GMDS: variants seen among roughly 807,000 people sequenced by gnomAD.
The protein encoded by GMDS is GDP-mannose 4,6-dehydratase.
Under a neutral mutation model 49.9 loss-of-function variants are expected in GMDS, and 20 were observed. That is an observed-to-expected ratio of 0.40 (90% CI 0.28 to 0.58). The LOEUF (loss-of-function observed/expected upper bound fraction) is 0.58. Among genes scored for constraint, GMDS ranks in the 20% least tolerant of loss-of-function variants. The probability of loss-of-function intolerance (pLI) is 0.42; values close to 1 mark genes in which losing one functional copy is unlikely to be tolerated. For synonymous variants in GMDS, 177 were observed against 178.6 expected (o/e 0.99, Z 0.07); for missense variants, 362 against 481.4 (o/e 0.75, Z 2.32).
intron 4 of GMDS, among the ~76,000 whole-genome samples, chr6:2,044,967 C>T (rs534792702): frequency 1.5e-4 from 22 of 151,516 alleles, no homozygotes; most frequent in African/African-American, 4.8e-4. Flanking sequence ...CAAAGCACTC[C>T]GAAAATTAAA....
At chr6:1,847,401 G>T (rs562012327) in intron 7 of GMDS, among the ~76,000 whole-genome samples, 1 of 152,140 alleles carries the variant, frequency 6.6e-6, no homozygotes, top group African/African-American at 2.4e-5. Context: ...AATCATGGGG[G>T]AACAACAATG....
At chr6:1,723,775 T>C (rs1228377883) in intron 9 of GMDS, among the ~76,000 whole-genome samples, 1 of 152,150 alleles carries the variant, frequency 6.6e-6, no homozygotes, top group Non-Finnish European at 1.5e-5. Context: ...ACTGAGTCCC[T>C]GAGAAGGAAA....
intron 7 of GMDS, among the ~76,000 whole-genome samples, chr6:1,921,542 A>C (rs902512530): frequency 1.3e-5 from 2 of 152,236 alleles, no homozygotes; most frequent in Non-Finnish European, 2.9e-5. Flanking sequence ...AGGATGAAGA[A>C]GAGAAAAAAA....
At chr6:2,059,490 C>T (rs1562014500) in intron 4 of GMDS, among the ~76,000 whole-genome samples, 2 of 150,160 alleles carry the variant, frequency 1.3e-5, no homozygotes, top group Admixed American at 6.6e-5. Context: ...GGGTGGATCA[C>T]GAGGTCAGGA....
chr6:1,894,582 A>C (rs537191842), intron 7 of GMDS, among the ~76,000 whole-genome samples: 41 of 152,338 alleles, frequency 2.7e-4, no homozygotes, highest in Non-Finnish European at 4.9e-4. Flanking sequence ...ATTTTCACCT[A>C]AATGTGTCTT....
At chr6:1,629,161 A>G (rs1257099305) in intron 9 of GMDS, among the ~76,000 whole-genome samples, 1 of 152,218 alleles carries the variant, frequency 6.6e-6, no homozygotes, top group Non-Finnish European at 1.5e-5. Flanking sequence ...GAAAATTTGC[A>G]ATATACGACA....
At chr6:1,850,429 C>T (rs991055430) in intron 7 of GMDS, among the ~76,000 whole-genome samples, 1 of 152,176 alleles carries the variant, frequency 6.6e-6, no homozygotes, top group South Asian at 2.1e-4. Flanking sequence ...ATTTACAATG[C>T]TAACTTATTT....
intron 6 of GMDS, among the ~76,000 whole-genome samples, chr6:1,957,109 T>G (rs891763549): frequency 6.6e-6 from 1 of 152,204 alleles, no homozygotes; most frequent in Non-Finnish European, 1.5e-5. Flanking sequence ...GGCCCATTTA[T>G]TAGCTTTAAT....
At chr6:1,676,296 T>C (rs750020840) in intron 9 of GMDS, among the ~76,000 whole-genome samples, 6 of 152,172 alleles carry the variant, frequency 3.9e-5, no homozygotes, top group Admixed American at 1.3e-4. Flanking sequence ...CACAAACAAA[T>C]GGAAGAACAT....
chr6:1,655,917 A>C (rs1763865081), intron 9 of GMDS, among the ~76,000 whole-genome samples: 1 of 152,212 alleles, frequency 6.6e-6, no homozygotes, highest in South Asian at 2.1e-4. Context: ...TATATGTGTT[A>C]ATGATAATGT....
chr6:1,624,376 G>A, intron 10 of GMDS, 96 bp downstream of exon 10: 1 of 1,322,208 alleles, frequency 7.6e-7, no homozygotes, highest in South Asian at 1.2e-5. Flanking sequence ...TCCGGGCTTT[G>A]GGCATCGCAG....
chr6:1,968,257 A>T (rs986631088), intron 4 of GMDS, among the ~76,000 whole-genome samples: 28 of 152,240 alleles, frequency 1.8e-4, no homozygotes, highest in African/African-American at 6.8e-4. Context: ...TATCACTTAT[A>T]TTAGATGATT....
At chr6:1,782,321 T>C (rs2113613266) in intron 7 of GMDS, among the ~76,000 whole-genome samples, 1 of 152,338 alleles carries the variant, frequency 6.6e-6, no homozygotes, top group African/African-American at 2.4e-5. Flanking sequence ...CAGATGCCCA[T>C]AACCAAACAC....
intron 7 of GMDS, among the ~76,000 whole-genome samples, chr6:1,846,506 A>T (rs578024173): frequency 7.7e-4 from 117 of 152,366 alleles, no homozygotes; most frequent in African/African-American, 2.7e-3. Flanking sequence ...AAAAACAATG[A>T]ATAAGTTTCT....
chr6:2,014,860 A>G (rs1767795064), intron 4 of GMDS, among the ~76,000 whole-genome samples: 2 of 152,132 alleles, frequency 1.3e-5, no homozygotes, highest in African/African-American at 4.8e-5. Context: ...CAGGTAGATC[A>G]AAAGTAAAGG....
chr6:1,812,309 A>G (rs899557509), intron 7 of GMDS, among the ~76,000 whole-genome samples: 2 of 152,170 alleles, frequency 1.3e-5, no homozygotes, highest in African/African-American at 4.8e-5. Flanking sequence ...GACCCTGGTG[A>G]CTGATGTGAA....
chr6:2,023,694 A>G (rs1170956795), intron 4 of GMDS, among the ~76,000 whole-genome samples: 3 of 152,268 alleles, frequency 2.0e-5, no homozygotes, highest in African/African-American at 7.2e-5. Flanking sequence ...TCATATATTT[A>G]GTAAAATGGT....
chr6:1,897,319 A>G (rs1760251613), intron 7 of GMDS, among the ~76,000 whole-genome samples: 1 of 152,192 alleles, frequency 6.6e-6, no homozygotes, highest in Admixed American at 6.5e-5. Context: ...GTCATTTTAA[A>G]TTAATCACCT....
intron 7 of GMDS, among the ~76,000 whole-genome samples, chr6:1,813,699 A>C (rs1348409932): frequency 2.0e-5 from 3 of 152,220 alleles, no homozygotes; most frequent in Admixed American, 2.0e-4. Flanking sequence ...AGAGGGTAGG[A>C]GCGATCCACT....
Sources: allele counts gnomAD v4.1 joint callset (sites outside exome capture counted in the v4.1 genomes callset), GRCh38; gene constraint gnomAD v4.1.1; transcripts MANE v1.5; gene names NCBI Gene and HGNC (gene_info 2026-07-23, HGNC 2026-07-21).